Variants in RUNDC3B observed in about 807,000 individuals in gnomAD.
RUNDC3B encodes the protein RUN domain containing 3B.
A neutral mutation model predicts 58.4 loss-of-function variants in RUNDC3B; 33 were observed. That is an observed-to-expected ratio of 0.56 (90% CI 0.43 to 0.75). The LOEUF is 0.75. RUNDC3B is among the 30% of genes least tolerant of loss of function. The probability of loss-of-function intolerance (pLI) is 0.00; values close to 1 mark genes in which losing one functional copy is unlikely to be tolerated. For missense variants in RUNDC3B, 501 were observed against 535.7 expected, an observed-to-expected ratio of 0.94 and a Z score of 0.64; for synonymous variants, 193 against 195.2, an observed-to-expected ratio of 0.99 and a Z score of 0.10.
At chr7:87,705,775 C>G (rs185426725) in intron 3 of RUNDC3B, among the ~76,000 whole-genome samples, 2 of 152,114 alleles carry the variant, frequency 1.3e-5, no homozygotes, top group African/African-American at 4.8e-5. Context: ...GGGTCATATG[C>G]TCTTATAAAC....
chr7:87,645,115 T>C (rs1347547189), intron 1 of RUNDC3B, among the ~76,000 whole-genome samples: 10 of 150,128 alleles, frequency 6.7e-5, no homozygotes. Context: ...AGAGTTTTGC[T>C]CTTGTTGCTC....
intron 4 of RUNDC3B, among the ~76,000 whole-genome samples, chr7:87,725,481 A>T (rs1264078755): frequency 1.3e-5 from 2 of 152,144 alleles, no homozygotes; most frequent in African/African-American, 2.4e-5. Context: ...TTCTTAATCC[A>T]GTCTATCATT....
intron 1 of RUNDC3B, among the ~76,000 whole-genome samples, chr7:87,648,614 T>C (rs1475278870): frequency 1.3e-5 from 2 of 152,162 alleles, no homozygotes; most frequent in Admixed American, 6.5e-5. Flanking sequence ...TTACTCTTCA[T>C]AAGTTTCTTA....
chr7:87,670,745 A>G (rs1825744510), intron 2 of RUNDC3B, among the ~76,000 whole-genome samples: 1 of 152,030 alleles, frequency 6.6e-6, no homozygotes, highest in Non-Finnish European at 1.5e-5. Context: ...TACATTAGTG[A>G]GGTATTTTTG....
intron 2 of RUNDC3B, among the ~76,000 whole-genome samples, chr7:87,673,198 G>A (rs963204034): frequency 1.3e-5 from 2 of 152,082 alleles, no homozygotes; most frequent in African/African-American, 2.4e-5. Context: ...ATATGTCTTA[G>A]GGAATGGTCA....
chr7:87,753,237 G>C (rs1332998253), intron 6 of RUNDC3B, among the ~76,000 whole-genome samples: 1 of 151,132 alleles, frequency 6.6e-6, no homozygotes, highest in Non-Finnish European at 1.5e-5. Flanking sequence ...TGGTCTGAGA[G>C]ATAGTTTGTT....
intron 9 of RUNDC3B, among the ~76,000 whole-genome samples, chr7:87,812,750 A>G (rs1475619801): frequency 6.6e-6 from 1 of 152,234 alleles, no homozygotes; most frequent in Non-Finnish European, 1.5e-5. Context: ...GTAAAAAATT[A>G]TCTTCTGAGA....
rs1020535999 is a variant in RUNDC3B, at chr7:87,830,341, A to G, written c.*311A>G. 44 of 171,138 alleles carry G rather than the reference A, an allele frequency of 2.6e-4. No individual in the cohort carries two copies. Among genetic ancestry groups the G allele is most frequent in the African/African-American group, 1.0e-3 (44 of 41,960 alleles). The allele number at this position is 171,138 out of a possible 1,614,324, so 10.6% of individuals were successfully genotyped here. ...TACATATTGTTCAGCTGATTTTTAT[A>G]TATTTAAATACACCTTAGTGGCCAG... On this transcript the variant is annotated 3_prime_UTR_variant, in exon 11 of 11. Transcript: ENST00000394654.
At chr7:87,749,523 T>G (rs1832839732) in intron 6 of RUNDC3B, among the ~76,000 whole-genome samples, 2 of 152,164 alleles carry the variant, frequency 1.3e-5, no homozygotes, top group South Asian at 4.1e-4. Context: ...AGTTTTTATT[T>G]TTAGAAAAAT....
At chr7:87,794,691 GAACAAA>G (rs1221044194) in intron 8 of RUNDC3B, among the ~76,000 whole-genome samples, 1 of 148,764 alleles carries the variant, frequency 6.7e-6, no homozygotes, top group East Asian at 1.9e-4. Flanking sequence ...AAGCTATCTT[GAACAAA>G]AAGAACACTG....
At chr7:87,639,964 T>C (rs911119417) in intron 1 of RUNDC3B, among the ~76,000 whole-genome samples, 4 of 151,446 alleles carry the variant, frequency 2.6e-5, no homozygotes, top group African/African-American at 9.7e-5. Context: ...CCTTCTTAAA[T>C]ATTAATATTT....
intron 4 of RUNDC3B, among the ~76,000 whole-genome samples, chr7:87,715,700 A>T (rs919653947): frequency 3.3e-5 from 5 of 151,670 alleles, no homozygotes; most frequent in African/African-American, 1.2e-4. Flanking sequence ...TTGTCACACT[A>T]GTTGTCTTGT....
intron 3 of RUNDC3B, among the ~76,000 whole-genome samples, chr7:87,704,507 C>T (rs1829419295): frequency 1.3e-5 from 2 of 152,190 alleles, no homozygotes; most frequent in Non-Finnish European, 2.9e-5. Flanking sequence ...AGAAATGTAG[C>T]ATTTGGACCT....
intron 8 of RUNDC3B, among the ~76,000 whole-genome samples, chr7:87,794,627 A>G (rs1454199708): frequency 9.0e-6 from 1 of 111,054 alleles, no homozygotes; most frequent in African/African-American, 4.8e-5. Flanking sequence ...TATAGAAACA[A>G]AAAAAAAAAA....
chr7:87,657,070 T>C (rs1385167881), intron 2 of RUNDC3B, among the ~76,000 whole-genome samples: 2 of 152,030 alleles, frequency 1.3e-5, no homozygotes, highest in Non-Finnish European at 2.9e-5. Context: ...CCCCTATTTC[T>C]CTCACTAAGT....
chr7:87,718,228 A>G (rs1583992832), intron 4 of RUNDC3B, among the ~76,000 whole-genome samples: 2 of 152,134 alleles, frequency 1.3e-5, no homozygotes, highest in Non-Finnish European at 2.9e-5. Flanking sequence ...GTGGAATCAT[A>G]TGGGCTGTGC....
intron 2 of RUNDC3B, among the ~76,000 whole-genome samples, chr7:87,662,985 T>C (rs1824863954): frequency 1.3e-5 from 2 of 152,132 alleles, no homozygotes; most frequent in African/African-American, 2.4e-5. Flanking sequence ...AGTTTATTTC[T>C]AGGTATTTTA....
At chr7:87,660,179 G>T (rs1824543957) in intron 2 of RUNDC3B, among the ~76,000 whole-genome samples, 1 of 151,790 alleles carries the variant, frequency 6.6e-6, no homozygotes, top group Non-Finnish European at 1.5e-5. Context: ...TGGAATCATG[G>T]TCTATTAGGT....
chr7:87,822,810 T>C (rs1197287649), intron 10 of RUNDC3B, among the ~76,000 whole-genome samples: 1 of 152,134 alleles, frequency 6.6e-6, no homozygotes, highest in African/African-American at 2.4e-5. Context: ...ACACTGCATG[T>C]TCTCACTCAT....
Sources: allele counts gnomAD v4.1 joint callset (sites outside exome capture counted in the v4.1 genomes callset), GRCh38; gene constraint gnomAD v4.1.1; transcripts MANE v1.5; gene names NCBI Gene and HGNC (gene_info 2026-07-23, HGNC 2026-07-21).